Variants in INO80C observed in about 807,000 individuals in gnomAD.
The protein encoded by INO80C is IES6 homolog.
Under a neutral mutation model 17.7 loss-of-function variants are expected in INO80C, and 17 were observed. The ratio of observed to expected loss-of-function variants is 0.96; its 90% CI spans 0.66 to 1.44. INO80C has a LOEUF of 1.44. Among genes scored for constraint, INO80C ranks in the 40% most tolerant of loss-of-function variants. The probability of loss-of-function intolerance (pLI) is 0.00; values close to 1 mark genes in which losing one functional copy is unlikely to be tolerated. For missense variants in INO80C, 244 were observed against 245.0 expected (o/e 1.00, Z 0.03); for synonymous variants, 96 against 95.8 (o/e 1.00, Z -0.01).
rs2045759772 is a variant in INO80C at position 35,478,171 on chromosome 18, T to C, written c.447+111A>G. On this transcript the variant is annotated intron_variant, in intron 4 of 4. Coordinates refer to ENST00000334598, the MANE Select transcript of INO80C (RefSeq NM_194281.4). ...TGCACAAACCTATCACCTATCACTGTAGACAGGCTCCAGGCAGGACCAGCC... is the reference window on the plus strand; with the variant it reads ...TGCACAAACCTATCACCTATCACTGCAGACAGGCTCCAGGCAGGACCAGCC... 1.2e-5 allele frequency: 10 copies of C among 815,412 alleles called. 1 individual carries two copies. In the South Asian group the frequency reaches 1.6e-4, roughly 13 times the overall value. The allele number at this position is 815,412 out of a possible 1,614,324, so 50.5% of individuals were successfully genotyped here. A position where few individuals can be genotyped will look rare whatever the true frequency, so the allele number is the denominator to read the frequency against.
In INO80C at chr18:35,478,290, C is replaced by G. The variant is rs2045761074; in HGVS notation, c.439G>C (p.Gly147Arg). Residue 147 changes from glycine to arginine, a missense_variant, in exon 4 of 5, where the codon GGT (glycine) becomes CGT (arginine). By Grantham distance (125) the Gly-to-Arg change is moderately radical. Transcript: ENST00000334598. ...GATATAATCATACTCACAAGCAGAC[C>G]TGAAACATCAGAATACTTCTTAGCT... ...KPAKKYSDVS[G>R]LLANYTDPQS... The G allele has an allele frequency of 6.2e-7, 1 of 1,603,480 alleles. No homozygotes were observed. Among genetic ancestry groups the G allele is most frequent in the Non-Finnish European group, 8.5e-7 (1 of 1,172,838 alleles).
At chr18:35,469,094 G>A (rs1305605908) in intron 4 of INO80C, among the ~76,000 whole-genome samples, 1 of 152,124 alleles carries the variant, frequency 6.6e-6, no homozygotes, top group African/African-American at 2.4e-5. Context: ...CCAGGTCTGT[G>A]CTCCTCAAGG....
At chr18:35,492,740 A>G (rs1022653503) in intron 1 of INO80C, among the ~76,000 whole-genome samples, 2 of 152,190 alleles carry the variant, frequency 1.3e-5, no homozygotes, top group Non-Finnish European at 2.9e-5. Context: ...TATCTGCCCT[A>G]TCCTCCTAAA....
At chr18:35,481,958 A>G (rs1476205485) in intron 1 of INO80C, among the ~76,000 whole-genome samples, 2 of 152,212 alleles carry the variant, frequency 1.3e-5, no homozygotes, top group Admixed American at 6.5e-5. Flanking sequence ...GTATTTGCAC[A>G]CTACTCAACA....
chr18:35,481,426 A>C (rs1480825692), intron 1 of INO80C, among the ~76,000 whole-genome samples: 1 of 152,226 alleles, frequency 6.6e-6, no homozygotes, highest in Non-Finnish European at 1.5e-5. Context: ...GTTTTGCCAA[A>C]AGTTTACACT....
intron 1 of INO80C, among the ~76,000 whole-genome samples, chr18:35,485,811 C>A (rs2045867511): frequency 6.6e-6 from 1 of 152,194 alleles, no homozygotes; most frequent in South Asian, 2.1e-4. Flanking sequence ...ACCTAAATGT[C>A]CATCAGCTGA....
intron 2 of INO80C, among the ~76,000 whole-genome samples, chr18:35,480,205 T>C (rs1188535924): frequency 9.9e-5 from 15 of 152,152 alleles, no homozygotes; most frequent in Admixed American, 9.8e-4. Context: ...ATCATGGAAA[T>C]GTCCCACCCT....
intron 1 of INO80C, among the ~76,000 whole-genome samples, chr18:35,492,261 C>T (rs1212315096): frequency 6.6e-6 from 1 of 152,184 alleles, no homozygotes; most frequent in Non-Finnish European, 1.5e-5. Flanking sequence ...ATTCAAAATG[C>T]AACCTCAATA....
Position 35,484,367 on chromosome 18 carries a change from T to C in INO80C, c.157-3804A>G, listed in dbSNP as rs142611687. ...GGTAGTGCAGGTATACACACACATA[T>C]ATTTCCTAGCTCTGTGCACTGAGAA... On this transcript the variant is annotated intron_variant, in intron 1 of 4. Transcript: ENST00000334598. Among the ~76,000 whole-genome samples, 157 of 152,284 alleles carry C rather than the reference T, an allele frequency of 1.0e-3. 1 individual carries two copies. The highest frequency in any genetic ancestry group is 3.5e-3 in the African/African-American group (147 of 41,564).
At position 35,468,772 on chromosome 18, in the gene INO80C, G is replaced by A. The variant is rs1163865684; in HGVS notation, c.448-30C>T. 3 of 1,602,458 alleles carry A rather than the reference G, an allele frequency of 1.9e-6. No homozygotes were observed. The Admixed American group carries it at 5.1e-5, about 27-fold the overall frequency. On this transcript the variant is annotated intron_variant, in intron 4 of 4. Transcript: ENST00000334598. ...GTGAAAAGAGGCACAGGGAAGGGCA[G>A]AAAGTTTTTGCTGGTAGGGATATTT...
intron 4 of INO80C, among the ~76,000 whole-genome samples, chr18:35,472,469 G>A (rs1171830247): frequency 6.6e-6 from 1 of 151,970 alleles, no homozygotes; most frequent in African/African-American, 2.4e-5. Context: ...TTGTAAATTT[G>A]TTTGAGTTCA....
chr18:35,489,249 G>C (rs355324), intron 1 of INO80C: 180,827 of 230,768 alleles, frequency 0.78, 71,350 homozygotes, highest in East Asian at 0.98. Flanking sequence ...CCAATTTATT[G>C]TATTAGTCCA....
rs1471392607 is a variant in INO80C, at chr18:35,468,614, G to A, written c.576C>T (p.Pro192=). Residue 192 remains proline, a synonymous_variant, in exon 5 of 5, where the codon CCC becomes CCT. Transcript: ENST00000334598. ...ACTTCATCTCCCTTTCTGGGGCTCA[G>A]GGAACGATGCTCGTGGCCTTCCTCA... The part of the protein sequence containing the change: ...LALRKATSIV[P] 1.2e-6 allele frequency: 2 copies of A among 1,614,006 alleles called. No individual in the cohort carries two copies. The highest frequency in any genetic ancestry group is 1.7e-6 in the Non-Finnish European group (2 of 1,180,022).
chr18:35,487,392 A>T (rs1464751234), intron 1 of INO80C: 2 of 400,518 alleles, frequency 5.0e-6, no homozygotes, highest in Admixed American at 5.5e-5. Context: ...TCACATTTCC[A>T]CGCGGCTGGG....
intron 4 of INO80C, among the ~76,000 whole-genome samples, chr18:35,473,912 A>G (rs1478655800): frequency 6.6e-6 from 1 of 152,140 alleles, no homozygotes; most frequent in East Asian, 1.9e-4. Context: ...GTGATCAGTC[A>G]GTAACTGAGC....
intron 4 of INO80C, among the ~76,000 whole-genome samples, chr18:35,469,183 C>T (rs1270363603): frequency 1.3e-5 from 2 of 152,358 alleles, no homozygotes; most frequent in East Asian, 3.9e-4. Flanking sequence ...TCCTTTCCAG[C>T]TCTTCCAACA....
Position 35,481,252 on chromosome 18 carries a change from A to C in INO80C, c.157-689T>G, listed in dbSNP as rs542740985. 2.0e-5 allele frequency among the ~76,000 whole-genome samples: 3 copies of C among 152,348 alleles called. No homozygotes were observed. In the South Asian group the frequency reaches 6.2e-4, roughly 32 times the overall value. On this transcript the variant is annotated intron_variant, in intron 1 of 4. Coordinates refer to ENST00000334598, the MANE Select transcript of INO80C (RefSeq NM_194281.4). ...AACGCTAATATGGTTTAAAGCAAAAAACCTTTAAGCTAACAATCACAAAGA... is the reference window on the plus strand; with the variant it reads ...AACGCTAATATGGTTTAAAGCAAAACACCTTTAAGCTAACAATCACAAAGA...
At chr18:35,469,618 CAGG>C (rs1049473062) in intron 4 of INO80C, among the ~76,000 whole-genome samples, 24 of 152,304 alleles carry the variant, frequency 1.6e-4, no homozygotes, top group African/African-American at 5.8e-4. Flanking sequence ...TGTACCCCCA[CAGG>C]AGGTCAGAAC....
rs773033731 is a variant in INO80C at position 35,497,910 on chromosome 18, T to C, written c.-36A>G. ...GTCTTCCCCTGGTCCCCCCACCTTT[T>C]TCCCAGCGCGGGCCTTGGAACTTCC... On this transcript the variant is annotated 5_prime_UTR_variant, in exon 1 of 5. Transcript: ENST00000334598. The C allele has an allele frequency of 3.9e-5, 58 of 1,495,906 alleles. No homozygotes were observed. Among genetic ancestry groups the C allele is most frequent in the Admixed American group, 4.7e-5 (2 of 42,370 alleles). 92.7% of individuals were successfully genotyped at this position (1,495,906 alleles called of 1,614,324 possible).
Sources: allele counts gnomAD v4.1 joint callset (sites outside exome capture counted in the v4.1 genomes callset), GRCh38; gene constraint gnomAD v4.1.1; transcripts MANE v1.5; gene names NCBI Gene and HGNC (gene_info 2026-07-23, HGNC 2026-07-21).